Variants in TTF2 observed in about 807,000 individuals in gnomAD.
TTF2 encodes transcription termination factor 2.
A neutral mutation model predicts 142.4 loss-of-function variants in TTF2; 108 were observed. The ratio of observed to expected loss-of-function variants is 0.76; its 90% CI spans 0.65 to 0.89. The LOEUF (loss-of-function observed/expected upper bound fraction) is 0.89. TTF2 is among the 40% of genes least tolerant of loss of function. The pLI is 0.00. For synonymous variants in TTF2, 483 were observed against 506.2 expected (o/e 0.95, Z 0.61); for missense variants, 1,327 against 1,379.8 (o/e 0.96, Z 0.61).
Position 117,090,571 on chromosome 1 carries a change from A to G in TTF2, c.2536A>G (p.Lys846Glu). 1 of 1,614,080 alleles carries G rather than the reference A, an allele frequency of 6.2e-7. No individual in the cohort carries two copies. Among genetic ancestry groups the G allele is most frequent in the East Asian group, 2.2e-5 (1 of 44,870 alleles). ...GCGTAAATTTCAGTTGCACCATTTA[A>G]AGCTTTCTGAAGATGAAGAGACTGT... ...PQRKFQLHHLKLSEDEETVYN... is the reference protein window; with the variant it reads ...PQRKFQLHHLELSEDEETVYN... The change falls in exon 15 of 23, where the codon AAG (lysine) becomes GAG (glutamate). Residue 846 changes from lysine (K) to glutamate (E), a missense_variant. Lys to Glu is a moderately conservative substitution (Grantham distance 56). Transcript: ENST00000369466. This position sits in a 1 kb window ranked among gnomAD's most constrained non-coding sequence, Gnocchi z 4.8.
At position 117,091,946 on chromosome 1, in the gene TTF2, A is replaced by C. The variant is rs1275177982; in HGVS notation, c.2801A>C (p.Lys934Thr). The change falls in exon 17 of 23, where the codon AAG (lysine) becomes ACG (threonine). Residue 934 changes from lysine (K) to threonine (T), a missense_variant. Coordinates refer to ENST00000369466, the MANE Select transcript of TTF2 (RefSeq NM_003594.4). Reference sequence around the variant, plus strand: ...TGTTGCTGTCATCTTTCTTTACTGAAGTCGGTAAGAAAAGCCCTCAGCCTG... The same window carrying C: ...TGTTGCTGTCATCTTTCTTTACTGACGTCGGTAAGAAAAGCCCTCAGCCTG... Reference protein sequence around the residue: ...RQCCCHLSLLKSALDPMELKG... With the variant: ...RQCCCHLSLLTSALDPMELKG... 1.9e-6 allele frequency: 3 copies of C among 1,611,114 alleles called. No individual in the cohort carries two copies. The highest frequency in any genetic ancestry group is 2.5e-6 in the Non-Finnish European group (3 of 1,179,214).
chr1:117,084,787 C>G (rs916465445), intron 11 of TTF2, among the ~76,000 whole-genome samples: 1 of 152,140 alleles, frequency 6.6e-6, no homozygotes, highest in African/African-American at 2.4e-5. Flanking sequence ...GAGTGAAGAT[C>G]TAGATTGAAT....
rs922876573 is a variant in TTF2 at position 117,073,970 on chromosome 1, G to A, written c.285+243G>A. On this transcript the variant is annotated intron_variant, in intron 4 of 22. Coordinates refer to ENST00000369466, the MANE Select transcript of TTF2 (RefSeq NM_003594.4). This position sits in a 1 kb window ranked among gnomAD's most constrained non-coding sequence, Gnocchi z 4.4. Reference sequence around the variant, plus strand: ...GTAAATATTTTTTGAGGTCTTAAATGTAGTCAGTATTCTTTTACTCAAGGA... The same window carrying A: ...GTAAATATTTTTTGAGGTCTTAAATATAGTCAGTATTCTTTTACTCAAGGA... Among the ~76,000 whole-genome samples, 18 of 152,190 alleles carry A rather than the reference G, an allele frequency of 1.2e-4. No homozygotes were observed. The highest frequency in any genetic ancestry group is 3.9e-4 in the African/African-American group (16 of 41,456).
chr1:117,071,075 T>C (rs1276364794), intron 3 of TTF2, among the ~76,000 whole-genome samples: 1 of 152,048 alleles, frequency 6.6e-6, no homozygotes, highest in Non-Finnish European at 1.5e-5. Context: ...GAAAGCAGCA[T>C]ATAGATAACT....
chr1:117,096,031 G>C, intron 19 of TTF2, 118 bp from the exon 20 acceptor site: 1 of 1,112,930 alleles, frequency 9.0e-7, no homozygotes, highest in Non-Finnish European at 1.3e-6. Context: ...GGTAGCAGAA[G>C]GCCTTTCCTT....
In TTF2 at chr1:117,070,521, G is replaced by A. The variant is rs999367012; in HGVS notation, c.219-3140G>A. Among the ~76,000 whole-genome samples, 5 of 152,184 alleles carry A rather than the reference G, an allele frequency of 3.3e-5. No homozygotes were observed. In the East Asian group the frequency reaches 9.6e-4, roughly 29 times the overall value. On this transcript the variant is annotated intron_variant, in intron 3 of 22. Coordinates refer to ENST00000369466, the MANE Select transcript of TTF2 (RefSeq NM_003594.4). This position sits in a 1 kb window ranked among gnomAD's most constrained non-coding sequence, Gnocchi z 4.2. Reference sequence around the variant, plus strand: ...CTGTTGACTGAAACATCATCATGCAGCACGGGACTGTACTTATGAAATATT... The same window carrying A: ...CTGTTGACTGAAACATCATCATGCAACACGGGACTGTACTTATGAAATATT...
rs1311457720 is a variant in TTF2, at chr1:117,093,215, G to A, written c.2976+314G>A. On this transcript the variant is annotated intron_variant, in intron 18 of 22. Transcript: ENST00000369466. The surrounding 1 kb of genome is among the most constrained non-coding windows in gnomAD (Gnocchi z 4.5). ...TGCTAGGGACGGGGCCTATGCAAGT[G>A]AGCAATTTGTTTAGAGAAAGCTTAA... 6.6e-6 allele frequency among the ~76,000 whole-genome samples: 1 copy of A among 152,184 alleles called. No homozygotes were observed. Among genetic ancestry groups the A allele is most frequent in the Non-Finnish European group, 1.5e-5 (1 of 68,034 alleles).
chr1:117,082,150 C>A, intron 10 of TTF2: 1 of 729,518 alleles, frequency 1.4e-6, no homozygotes. Context: ...TATAAATTTG[C>A]CTATAAACTA....
At chr1:117,094,562 C>T (rs776364720) in intron 18 of TTF2, 37 of 468,920 alleles carry the variant, frequency 7.9e-5, no homozygotes, top group African/African-American at 1.8e-4. Flanking sequence ...ATGGTTCCTC[C>T]GTCTGGACAG....
Position 117,076,919 on chromosome 1 carries a change from A to G in TTF2, c.1573+96A>G. The G allele has an allele frequency of 8.4e-7, 1 of 1,192,076 alleles. No homozygotes were observed. Among genetic ancestry groups the G allele is most frequent in the Non-Finnish European group, 1.2e-6 (1 of 864,972 alleles). The allele number at this position is 1,192,076 out of a possible 1,614,324, so 73.8% of individuals were successfully genotyped here. ...TCACCTCTTATCCACACTTTCAGTT[A>G]ACCTTAGTCACCTGTGGTTCAAAAA... is the stretch of plus-strand genomic sequence containing the variant. On this transcript the variant is annotated intron_variant, in intron 7 of 22. Transcript: ENST00000369466. The surrounding 1 kb of genome is among the most constrained non-coding windows in gnomAD (Gnocchi z 4.6).
In TTF2 at chr1:117,070,494, C is replaced by T. The variant is rs564257959; in HGVS notation, c.219-3167C>T. On this transcript the variant is annotated intron_variant, in intron 3 of 22. Coordinates refer to ENST00000369466, the MANE Select transcript of TTF2 (RefSeq NM_003594.4). This position sits in a 1 kb window ranked among gnomAD's most constrained non-coding sequence, Gnocchi z 4.2. ...TGGGACCACAGTTGTATGTGCCATC[C>T]ACTGTTGACTGAAACATCATCATGC... is the stretch of plus-strand genomic sequence containing the variant. Among the ~76,000 whole-genome samples the T allele has an allele frequency of 8.5e-5, 13 of 152,272 alleles. No homozygotes were observed. The highest frequency in any genetic ancestry group is 2.9e-4 in the African/African-American group (12 of 41,560).
At position 117,102,659 on chromosome 1, in the gene TTF2, A is replaced by C. The variant is rs1649677047; in HGVS notation, c.*1135A>C. 6.6e-6 allele frequency: 1 copy of C among 152,176 alleles called. No homozygotes were observed. 9.4% of individuals were successfully genotyped at this position (152,176 alleles called of 1,614,324 possible). ...AGTATTTGTATTTTTACAAATTTGC[A>C]GTATTTGTAGCATTTAGTATCATTG... On this transcript the variant is annotated 3_prime_UTR_variant, in exon 23 of 23. Coordinates refer to ENST00000369466, the MANE Select transcript of TTF2 (RefSeq NM_003594.4).
chr1:117,084,024 G>C lies in TTF2; in HGVS notation c.1910G>C (p.Cys637Ser). 7.4e-6 allele frequency: 12 copies of C among 1,614,064 alleles called. No homozygotes were observed. The highest frequency in any genetic ancestry group is 1.0e-5 in the Non-Finnish European group (12 of 1,179,976). ...ALTWLSKDDS[C>S]DFTSHGTLII... Reference sequence around the variant, plus strand: ...ATTTTTTTCCCTTCTCAAGACTCTTGTGACTTTACTTCCCATGGAACACTA... The same window carrying C: ...ATTTTTTTCCCTTCTCAAGACTCTTCTGACTTTACTTCCCATGGAACACTA... The change falls in exon 11 of 23, where the codon TGT (cysteine) becomes TCT (serine). Residue 637 changes from cysteine to serine, a missense_variant. Physicochemically the swap from Cys to Ser is moderately radical, Grantham distance 112. Transcript: ENST00000369466.
Position 117,092,860 on chromosome 1 carries a change from T to C in TTF2, c.2935T>C (p.Phe979Leu). ...SSTVSLNGTF[F>L]KMELFEGMRE... ...CACTGTTTCCCTTAACGGCACCTTC[T>C]TCAAGATGGAGCTTTTTGAAGGCAT... is the stretch of plus-strand genomic sequence containing the variant. Residue 979 changes from phenylalanine (F) to leucine (L), a missense_variant, in exon 18 of 23, where the codon TTC (phenylalanine) becomes CTC (leucine). Phe to Leu is a conservative substitution (Grantham distance 22). Transcript: ENST00000369466. The surrounding 1 kb of genome is among the most constrained non-coding windows in gnomAD (Gnocchi z 4.4). 1 of 1,614,178 alleles carries C rather than the reference T, an allele frequency of 6.2e-7. No individual in the cohort carries two copies. The highest frequency in any genetic ancestry group is 8.5e-7 in the Non-Finnish European group (1 of 1,180,022).
In TTF2 at chr1:117,075,711, T is replaced by C; in HGVS notation, c.1127T>C (p.Leu376Pro). Residue 376 changes from leucine to proline, a missense_variant, in exon 5 of 23, where the codon CTG (leucine) becomes CCG (proline). Coordinates refer to ENST00000369466, the MANE Select transcript of TTF2 (RefSeq NM_003594.4). This position sits in a 1 kb window ranked among gnomAD's most constrained non-coding sequence, Gnocchi z 4.5. ...AGCCCCCTACTCTTTGACTCGACTC[T>C]GGACTTAGAGACGAAGGAAAACCTC... ...PGSPLLFDST[L>P]DLETKENLQF... The C allele has an allele frequency of 6.2e-7, 1 of 1,614,182 alleles. No individual in the cohort carries two copies. The highest frequency in any genetic ancestry group is 8.5e-7 in the Non-Finnish European group (1 of 1,180,024).
rs948490497 is a variant in TTF2, at chr1:117,093,123, G to A, written c.2976+222G>A. Among the ~76,000 whole-genome samples the A allele has an allele frequency of 6.6e-6, 1 of 152,154 alleles. No homozygotes were observed. The highest frequency in any genetic ancestry group is 1.5e-5 in the Non-Finnish European group (1 of 68,030). On this transcript the variant is annotated intron_variant, in intron 18 of 22. Coordinates refer to ENST00000369466, the MANE Select transcript of TTF2 (RefSeq NM_003594.4). This position sits in a 1 kb window ranked among gnomAD's most constrained non-coding sequence, Gnocchi z 4.5. The stretch of plus-strand genomic sequence containing the variant: ...TAGGGGACTTTGAGAGAGTAATTTG[G>A]GACAACCCCAGCATTGCACTGAAGT...
chr1:117,067,757 G>A (rs1032134757), intron 3 of TTF2, among the ~76,000 whole-genome samples: 8 of 152,178 alleles, frequency 5.3e-5, no homozygotes, highest in African/African-American at 1.9e-4. Context: ...TGAGAGTACA[G>A]CCTTTCCCTC....
rs34810518 is a variant in TTF2, at chr1:117,088,846, T to C, written c.2206T>C (p.Leu736=). 662 of 1,614,166 alleles carry C rather than the reference T, an allele frequency of 4.1e-4. 1 individual carries two copies. The African/African-American group carries it at 8.0e-3, about 20-fold the overall frequency. The change falls in exon 13 of 23, where the codon TTG becomes CTG. Residue 736 remains leucine, a synonymous_variant. Coordinates refer to ENST00000369466, the MANE Select transcript of TTF2 (RefSeq NM_003594.4). ...TCGAATAGCCTGGGCTCGAATCATA[T>C]TGGATGAAGCTCACAATGTTAAGAA... ...LLRIAWARII[L]DEAHNVKNPR...
intron 11 of TTF2, among the ~76,000 whole-genome samples, chr1:117,084,462 C>T (rs112639782): frequency 1.3e-5 from 2 of 152,202 alleles, no homozygotes; most frequent in African/African-American, 4.8e-5. Context: ...GGAGATGTGT[C>T]GCAAGGCCCT....
Sources: allele counts gnomAD v4.1 joint callset (sites outside exome capture counted in the v4.1 genomes callset), GRCh38; gene constraint gnomAD v4.1.1; non-coding constraint Gnocchi (gnomAD v3.1); transcripts MANE v1.5; gene names NCBI Gene and HGNC (gene_info 2026-07-23, HGNC 2026-07-21).